The following PRTG variants were observed in gnomAD, a reference collection of about 807,000 sequenced individuals.
PRTG encodes protogenin.
Under a neutral mutation model 122.5 loss-of-function variants are expected in PRTG, and 67 were observed. The ratio of observed to expected loss-of-function variants is 0.55; its 90% CI spans 0.45 to 0.67. The LOEUF is 0.67. Among genes scored for constraint, PRTG ranks in the 30% least tolerant of loss-of-function variants. PRTG has a pLI of 0.00. For synonymous variants in PRTG, 554 were observed against 501.1 expected (o/e 1.11, Z -1.41); for missense variants, 1,435 against 1,415.4 (o/e 1.01, Z -0.22).
chr15:55,741,822 C>T (rs1233444129), intron 1 of PRTG, among the ~76,000 whole-genome samples: 1 of 152,226 alleles, frequency 6.6e-6, no homozygotes, highest in Non-Finnish European at 1.5e-5. Context: ...CAGCGCTGTG[C>T]GCGGACCACT....
intron 2 of PRTG, among the ~76,000 whole-genome samples, chr15:55,733,840 A>G (rs1384879128): frequency 2.0e-5 from 3 of 152,150 alleles, no homozygotes; most frequent in Non-Finnish European, 4.4e-5. Context: ...AACAAAAACA[A>G]CAACAACAAC....
Position 55,683,871 on chromosome 15 carries a change from C to T in PRTG, c.458G>A (p.Arg153Gln), listed in dbSNP as rs780621238. 4.3e-6 allele frequency: 7 copies of T among 1,613,774 alleles called. No homozygotes were observed. Among genetic ancestry groups the T allele is most frequent in the Middle Eastern group, 3.3e-4 (2 of 6,084 alleles). The change falls in exon 3 of 20, where the codon CGA becomes CAA. Residue 153 changes from arginine to glutamine, a missense_variant. Physicochemically the swap from Arg to Gln is conservative, Grantham distance 43 (BLOSUM62 1). Transcript: ENST00000389286. ...GTGGGATGAAATCTTGCATGCAAAT[C>T]GAGCAACTCCACCTTCGTGGACCTC... is the stretch of plus-strand genomic sequence containing the variant. ...STEVHEGGVA[R>Q]FACKISSHPP...
At chr15:55,721,752 T>C (rs941678999) in intron 2 of PRTG, among the ~76,000 whole-genome samples, 13 of 152,010 alleles carry the variant, frequency 8.6e-5, no homozygotes, top group African/African-American at 3.1e-4. Flanking sequence ...AAACTTACAA[T>C]CACGGGAGAG....
At chr15:55,708,148 TAAA>T (rs35216342) in intron 2 of PRTG, among the ~76,000 whole-genome samples, 1,252 of 69,566 alleles carry the variant, frequency 0.018, 9 homozygotes, top group Non-Finnish European at 0.024. Context: ...AGTAAGCTGG[TAAA>T]AAAAAAAAAA....
chr15:55,738,015 TATATATATATAC>T (rs1362092075), intron 2 of PRTG, among the ~76,000 whole-genome samples: 27 of 106,878 alleles, frequency 2.5e-4, no homozygotes, highest in Admixed American at 5.2e-4. Flanking sequence ...TATATATATA[TATATATATATAC>T]ACACACACAC....
In PRTG at chr15:55,680,496, C is replaced by T. The variant is rs764605881; in HGVS notation, c.809G>A (p.Arg270His). ...TTTTTCCTGAGAAGACTTACCAAGG[C>T]GGCTCCAAGAAATGATTGGTTTGGG... Reference protein sequence around the residue: ...GNPKPIISWSRLDHKSIDVFN... With the variant: ...GNPKPIISWSHLDHKSIDVFN... The change falls in exon 5 of 20, where the codon CGC becomes CAC. Residue 270 changes from arginine (R) to histidine (H), a missense_variant. Arg to His is a conservative substitution (Grantham distance 29). Coordinates refer to ENST00000389286, the MANE Select transcript of PRTG (RefSeq NM_173814.6). 11 of 1,584,252 alleles carry T rather than the reference C, an allele frequency of 6.9e-6. No homozygotes were observed. The highest frequency in any genetic ancestry group is 2.3e-5 in the East Asian group (1 of 44,346).
At chr15:55,724,859 C>G (rs1356212050) in intron 2 of PRTG, among the ~76,000 whole-genome samples, 1 of 152,134 alleles carries the variant, frequency 6.6e-6, no homozygotes, top group Non-Finnish European at 1.5e-5. Flanking sequence ...TTAAGACATT[C>G]GCAGAGAAAC....
intron 2 of PRTG, among the ~76,000 whole-genome samples, chr15:55,710,884 T>G (rs2030354910): frequency 6.6e-6 from 1 of 151,898 alleles, no homozygotes; most frequent in Non-Finnish European, 1.5e-5. Flanking sequence ...TCTAAAAGGC[T>G]TTATAGCAGA....
At chr15:55,626,716 C>G (rs654844) in intron 17 of PRTG, among the ~76,000 whole-genome samples, 57,240 of 151,648 alleles carry the variant, frequency 0.38, 12,302 homozygotes, top group Non-Finnish European at 0.49. Context: ...CGAGATTGCA[C>G]CACTGCACTC....
At chr15:55,687,640 C>A (rs1406659439) in intron 2 of PRTG, among the ~76,000 whole-genome samples, 2 of 152,112 alleles carry the variant, frequency 1.3e-5, no homozygotes, top group African/African-American at 4.8e-5. Flanking sequence ...TCATAAAATT[C>A]TGAAAACTGA....
At chr15:55,734,164 T>C (rs1187221710) in intron 2 of PRTG, among the ~76,000 whole-genome samples, 2 of 152,206 alleles carry the variant, frequency 1.3e-5, no homozygotes, top group Non-Finnish European at 2.9e-5. Flanking sequence ...TGGCCCAAAA[T>C]GTCAGTTGTG....
chr15:55,742,991 C>G lies in PRTG; in HGVS notation c.-60G>C, dbSNP rs1228504946. 3 of 1,391,366 alleles carry G rather than the reference C, an allele frequency of 2.2e-6. No individual in the cohort carries two copies. The highest frequency in any genetic ancestry group is 3.7e-5 in the Admixed American group (1 of 27,032). The allele number at this position is 1,391,366 out of a possible 1,614,324, so 86.2% of individuals were successfully genotyped here. A position where few individuals can be genotyped will look rare whatever the true frequency, so the allele number is the denominator to read the frequency against. ...CCAGAGCCCCTGTCCGTCTGCGGCC[C>G]CCGCCCCGGGCGCTCTCTGCTCTGC... On this transcript the variant is annotated 5_prime_UTR_variant, in exon 1 of 20. Transcript: ENST00000389286.
chr15:55,723,563 A>C (rs1486776168), intron 2 of PRTG, among the ~76,000 whole-genome samples: 1 of 151,964 alleles, frequency 6.6e-6, no homozygotes, highest in African/African-American at 2.4e-5. Context: ...GAAAGAAATA[A>C]ATCTATACAC....
chr15:55,687,709 T>A (rs1188508787), intron 2 of PRTG, among the ~76,000 whole-genome samples: 1 of 152,236 alleles, frequency 6.6e-6, no homozygotes, highest in Non-Finnish European at 1.5e-5. Context: ...AACCCAAGTA[T>A]AAAGGTACAC....
intron 2 of PRTG, among the ~76,000 whole-genome samples, chr15:55,727,216 A>C (rs796499097): frequency 3.9e-5 from 6 of 152,194 alleles, no homozygotes; most frequent in African/African-American, 1.4e-4. Flanking sequence ...AGGAAAATGA[A>C]AAATTTGTTC....
intron 16 of PRTG, 33 bp downstream of exon 16, chr15:55,628,789 G>T (rs1327727741): frequency 1.3e-6 from 2 of 1,535,232 alleles, no homozygotes; most frequent in African/African-American, 1.4e-5. Context: ...TTTTTCTTAA[G>T]AAAAATCACA....
At chr15:55,664,298 C>T (rs1012004104) in intron 11 of PRTG, among the ~76,000 whole-genome samples, 7 of 152,102 alleles carry the variant, frequency 4.6e-5, no homozygotes, top group African/African-American at 1.7e-4. Context: ...TCTGCCACAA[C>T]GCCCAGCTAA....
intron 2 of PRTG, among the ~76,000 whole-genome samples, chr15:55,738,002 C>CTCTCTCTCTCTCTA (rs1248440584): frequency 1.4e-4 from 14 of 96,680 alleles, no homozygotes; most frequent in East Asian, 9.7e-4. Flanking sequence ...CTCTCTCTCT[C>CTCTCTCTCTCTCTA]TATATATATA....
intron 1 of PRTG, chr15:55,742,045 A>G (rs1219620812): frequency 2.6e-5 from 4 of 152,286 alleles, no homozygotes; most frequent in Non-Finnish European, 4.4e-5. Flanking sequence ...AAGGTAGAAA[A>G]ACGAGTTCAT....
Sources: gnomAD v4.1 joint callset for allele counts (sites outside exome capture counted in the v4.1 genomes callset) on GRCh38, gnomAD v4.1.1 for gene constraint, MANE v1.5 for transcripts, NCBI Gene and HGNC (gene_info 2026-07-23, HGNC 2026-07-21) for gene names.